The following SLC25A21 variants were observed in gnomAD, a reference collection of about 807,000 sequenced individuals.
The protein encoded by SLC25A21 is solute carrier family 25 member 21.
A neutral mutation model predicts 43.8 loss-of-function variants in SLC25A21; 47 were observed. That is an observed-to-expected ratio of 1.07 (90% CI 0.85 to 1.37). The LOEUF (loss-of-function observed/expected upper bound fraction) is 1.37, where lower values mean the gene tolerates loss of function less well. SLC25A21 is among the 40% of genes most tolerant of loss of function. The probability of loss-of-function intolerance (pLI) is 0.00; values close to 1 mark genes in which losing one functional copy is unlikely to be tolerated. For synonymous variants in SLC25A21, 131 were observed against 121.3 expected (o/e 1.08, Z -0.52); for missense variants, 352 against 350.2 (o/e 1.00, Z -0.04).
At chr14:36,958,167 T>A (rs1476079982) in intron 1 of SLC25A21, among the ~76,000 whole-genome samples, 1 of 151,152 alleles carries the variant, frequency 6.6e-6, no homozygotes, top group African/African-American at 2.5e-5. Context: ...ACAACCAAAC[T>A]GCCAACAAGC....
intron 6 of SLC25A21, among the ~76,000 whole-genome samples, chr14:36,718,382 A>G (rs1446880408): frequency 1.3e-5 from 2 of 152,198 alleles, no homozygotes; most frequent in African/African-American, 4.8e-5. Context: ...ACAGTGTTTT[A>G]CACAGTAATG....
chr14:37,111,833 A>T (rs188800308), intron 1 of SLC25A21, among the ~76,000 whole-genome samples: 3 of 152,330 alleles, frequency 2.0e-5, no homozygotes, highest in Admixed American at 2.0e-4. Flanking sequence ...TACCAAGTTG[A>T]ATTTGTAGAC....
At chr14:37,118,190 C>A (rs1398146848) in intron 1 of SLC25A21, among the ~76,000 whole-genome samples, 2 of 152,128 alleles carry the variant, frequency 1.3e-5, no homozygotes, top group African/African-American at 4.8e-5. Flanking sequence ...GCAGATAACA[C>A]CACTATTGTT....
At chr14:36,880,893 C>T (rs1890699715) in intron 1 of SLC25A21, among the ~76,000 whole-genome samples, 1 of 152,132 alleles carries the variant, frequency 6.6e-6, no homozygotes, top group Non-Finnish European at 1.5e-5. Flanking sequence ...TGTGTGCATG[C>T]AGAGTAACGT....
At chr14:36,871,715 C>T (rs942839757) in intron 2 of SLC25A21, among the ~76,000 whole-genome samples, 1 of 152,068 alleles carries the variant, frequency 6.6e-6, no homozygotes, top group African/African-American at 2.4e-5. Context: ...CACAGTATTC[C>T]GAGAGTACTG....
chr14:36,998,045 C>G (rs571447779), intron 1 of SLC25A21, among the ~76,000 whole-genome samples: 19 of 152,204 alleles, frequency 1.2e-4, no homozygotes, highest in African/African-American at 4.6e-4. Flanking sequence ...GATTTCTTGC[C>G]AAGATGATGT....
At chr14:36,693,964 C>T (rs1417339247) in intron 7 of SLC25A21, among the ~76,000 whole-genome samples, 1 of 152,072 alleles carries the variant, frequency 6.6e-6, no homozygotes, top group African/African-American at 2.4e-5. Flanking sequence ...GCACAATGTG[C>T]AGGTTTGATA....
At chr14:37,137,598 C>G (rs2138915027) in intron 1 of SLC25A21, among the ~76,000 whole-genome samples, 1 of 152,258 alleles carries the variant, frequency 6.6e-6, no homozygotes, top group South Asian at 2.1e-4. Flanking sequence ...TCAAATGCAT[C>G]ATTTGTGCCA....
intron 1 of SLC25A21, among the ~76,000 whole-genome samples, chr14:36,903,276 T>C (rs578008012): frequency 2.7e-4 from 41 of 152,230 alleles, no homozygotes; most frequent in African/African-American, 7.7e-4. Context: ...GCCCAAGCAT[T>C]CAGCAATGGA....
At chr14:36,856,121 G>C (rs1397606785) in intron 2 of SLC25A21, among the ~76,000 whole-genome samples, 1 of 152,102 alleles carries the variant, frequency 6.6e-6, no homozygotes, top group East Asian at 1.9e-4. Context: ...CATTACACTG[G>C]GGGAAGGGAA....
At chr14:37,043,741 T>C (rs1231832302) in intron 1 of SLC25A21, among the ~76,000 whole-genome samples, 2 of 152,108 alleles carry the variant, frequency 1.3e-5, no homozygotes, top group East Asian at 3.9e-4. Context: ...ATTCTTTTTT[T>C]GTTTTGTTTT....
chr14:37,123,372 GA>G (rs1963243739), intron 1 of SLC25A21, among the ~76,000 whole-genome samples: 1 of 152,146 alleles, frequency 6.6e-6, no homozygotes, highest in Admixed American at 6.5e-5. Flanking sequence ...CAGATCTACA[GA>G]AAGAGAAGAA....
At chr14:36,690,480 C>T (rs1882750451) in intron 7 of SLC25A21, among the ~76,000 whole-genome samples, 1 of 152,220 alleles carries the variant, frequency 6.6e-6, no homozygotes, top group African/African-American at 2.4e-5. Context: ...CTCCTTCTGA[C>T]TCCCAAGCCT....
intron 2 of SLC25A21, among the ~76,000 whole-genome samples, chr14:36,872,677 A>G (rs1397372460): frequency 1.3e-5 from 2 of 152,166 alleles, no homozygotes; most frequent in Non-Finnish European, 2.9e-5. Context: ...TCTCCTTCGG[A>G]GCACCTGGAA....
At chr14:37,099,585 G>A (rs116594871) in intron 1 of SLC25A21, among the ~76,000 whole-genome samples, 4,174 of 152,060 alleles carry the variant, frequency 0.027, 197 homozygotes, top group African/African-American at 0.095. Context: ...CTGCCAGGAT[G>A]TTCCCCCCGC....
At chr14:36,864,062 C>G (rs1306439313) in intron 2 of SLC25A21, among the ~76,000 whole-genome samples, 2 of 152,204 alleles carry the variant, frequency 1.3e-5, no homozygotes, top group Non-Finnish European at 2.9e-5. Flanking sequence ...CTCAAACCCT[C>G]TGCCTTTCTC....
chr14:36,724,961 A>G (rs2139211370), intron 6 of SLC25A21, among the ~76,000 whole-genome samples: 1 of 152,348 alleles, frequency 6.6e-6, no homozygotes, highest in South Asian at 2.1e-4. Context: ...CTGGGAGAAT[A>G]TTTCCAAATA....
At chr14:36,990,732 G>A (rs975387298) in intron 1 of SLC25A21, among the ~76,000 whole-genome samples, 10 of 151,986 alleles carry the variant, frequency 6.6e-5, no homozygotes, top group Admixed American at 5.9e-4. Flanking sequence ...AACAAAATTA[G>A]CTGGGTGTGG....
At chr14:36,794,866 T>C (rs1818511879) in intron 3 of SLC25A21, among the ~76,000 whole-genome samples, 2 of 146,378 alleles carry the variant, frequency 1.4e-5, no homozygotes, top group African/African-American at 5.1e-5. Context: ...ATGAAATTGA[T>C]TCGAAAGTAA....
Sources: allele counts gnomAD v4.1 joint callset (sites outside exome capture counted in the v4.1 genomes callset), GRCh38; gene constraint gnomAD v4.1.1; transcripts MANE v1.5; gene names NCBI Gene and HGNC (gene_info 2026-07-23, HGNC 2026-07-21).